WWOX: variants seen among roughly 807,000 people sequenced by gnomAD.
The protein encoded by WWOX is WW domain-containing oxidoreductase.
WWOX carries 69 observed loss-of-function variants against 46.2 expected under a neutral mutation model. That is an observed-to-expected ratio of 1.49 (90% CI 1.23 to 1.82). The LOEUF (loss-of-function observed/expected upper bound fraction) is 1.82. Ranked by LOEUF, WWOX falls within the 40% of genes most tolerant of loss-of-function variation. The pLI is 0.00. For missense variants in WWOX, 919 were observed against 542.6 expected (o/e 1.69, Z -6.89); for synonymous variants, 359 against 202.6 (o/e 1.77, Z -6.56).
chr16:78,924,394 A>C (rs2045451187), intron 8 of WWOX, among the ~76,000 whole-genome samples: 1 of 152,194 alleles, frequency 6.6e-6, no homozygotes, highest in African/African-American at 2.4e-5. Context: ...TTGTCTATCC[A>C]CAAATATTTA....
rs1228519766 is a variant in WWOX, at chr16:78,422,840, C to CAT, written c.606-2026_606-2025dup. 7.5e-4 allele frequency among the ~76,000 whole-genome samples: 58 copies of CAT among 77,238 alleles called. 3 individuals are homozygous for CAT. In the South Asian group the frequency reaches 0.024, roughly 31 times the overall value. The allele number at this position is 77,238 out of a possible 152,430, so 50.7% of individuals were successfully genotyped here. On this transcript the variant is annotated intron_variant, in intron 6 of 8. Coordinates refer to ENST00000566780, the MANE Select transcript of WWOX (RefSeq NM_016373.4). ...ATATACACACACATATATATATATA[C>CAT]ATATACACACACACACACACACACA... is the stretch of plus-strand genomic sequence containing the variant.
At chr16:78,103,370 C>T (rs1372844843) in intron 1 of WWOX, among the ~76,000 whole-genome samples, 11 of 151,828 alleles carry the variant, frequency 7.2e-5, no homozygotes, top group Admixed American at 3.9e-4. Context: ...AACCCATCAC[C>T]TAGTTGTTCA....
At position 78,108,336 on chromosome 16, in the gene WWOX, C is replaced by G. The variant is rs1471537248; in HGVS notation, c.108-87C>G. 3.2e-5 allele frequency: 43 copies of G among 1,363,576 alleles called. No individual in the cohort carries two copies. In the Admixed American group the frequency reaches 8.4e-4, roughly 27 times the overall value. 84.5% of individuals were successfully genotyped at this position (1,363,576 alleles called of 1,614,324 possible). A position where few individuals can be genotyped will look rare whatever the true frequency, so the allele number is the denominator to read the frequency against. On this transcript the variant is annotated intron_variant, in intron 1 of 8. Coordinates refer to ENST00000566780, the MANE Select transcript of WWOX (RefSeq NM_016373.4). ...CTACTTCCTTCTTATATCTGGCTAT[C>G]TGGGAGAGAAAAAATTTAATACAAT...
intron 8 of WWOX, among the ~76,000 whole-genome samples, chr16:79,079,567 A>C (rs894012706): frequency 1.3e-5 from 2 of 152,102 alleles, no homozygotes; most frequent in Non-Finnish European, 2.9e-5. Flanking sequence ...CTGGTGCTTT[A>C]ATTTTTGCCT....
chr16:79,055,418 A>T (rs1281268189), intron 8 of WWOX, among the ~76,000 whole-genome samples: 1 of 152,220 alleles, frequency 6.6e-6, no homozygotes, highest in East Asian at 1.9e-4. Context: ...GTGGCCGTGT[A>T]AAATGCCTGA....
chr16:78,265,665 C>T (rs1410819447), intron 5 of WWOX, among the ~76,000 whole-genome samples: 6 of 138,816 alleles, frequency 4.3e-5, no homozygotes, highest in Non-Finnish European at 6.1e-5. Context: ...GCAACAAGAG[C>T]GAAACTCCAT....
At chr16:78,955,471 A>G (rs2046146352) in intron 8 of WWOX, among the ~76,000 whole-genome samples, 1 of 152,152 alleles carries the variant, frequency 6.6e-6, no homozygotes, top group South Asian at 2.1e-4. Context: ...GGAGCATGTG[A>G]GGGTGGATCA....
chr16:78,489,804 C>G (rs991501040), intron 8 of WWOX, among the ~76,000 whole-genome samples: 3 of 152,074 alleles, frequency 2.0e-5, no homozygotes, highest in African/African-American at 4.8e-5. Flanking sequence ...GACCACAGTT[C>G]CGGCTGGAAC....
In WWOX at chr16:78,899,606, A is replaced by T. The variant is rs374208725; in HGVS notation, c.1057-312002A>T. 3.3e-5 allele frequency: 5 copies of T among 152,320 alleles called. No homozygotes were observed. The East Asian group carries it at 9.6e-4, about 29-fold the overall frequency. The allele number at this position is 152,320 out of a possible 1,614,324, so 9.4% of individuals were successfully genotyped here. Reference sequence around the variant, plus strand: ...CCTGAACAACGGGAACATTGGCCACATCCGCCATTGTCAATTTTAAATAAA... The same window carrying T: ...CCTGAACAACGGGAACATTGGCCACTTCCGCCATTGTCAATTTTAAATAAA... On this transcript the variant is annotated intron_variant, in intron 8 of 8. Transcript: ENST00000566780.
intron 8 of WWOX, among the ~76,000 whole-genome samples, chr16:79,093,557 G>GC (rs1003194514): frequency 1.3e-5 from 2 of 151,938 alleles, no homozygotes; most frequent in Admixed American, 1.3e-4. Context: ...GCCACCACCC[G>GC]CAGCAGGCAG....
intron 8 of WWOX, among the ~76,000 whole-genome samples, chr16:78,894,041 A>ATTATTATTATTG (rs945984342): frequency 8.9e-5 from 13 of 146,816 alleles, no homozygotes; most frequent in Admixed American, 4.1e-4. Flanking sequence ...TATTATTATT[A>ATTATTATTATTG]TTATTATTAT....
intron 8 of WWOX, among the ~76,000 whole-genome samples, chr16:78,648,875 GT>G (rs1175896774): frequency 6.6e-6 from 1 of 152,146 alleles, no homozygotes; most frequent in Non-Finnish European, 1.5e-5. Flanking sequence ...GGTTCCCTTT[GT>G]TTATTTTTAC....
chr16:78,137,443 G>A (rs1485570064), intron 4 of WWOX, among the ~76,000 whole-genome samples: 4 of 152,130 alleles, frequency 2.6e-5, no homozygotes, highest in African/African-American at 9.7e-5. Flanking sequence ...TCGACAAGGT[G>A]GAATGAAAGC....
chr16:78,423,095 C>G (rs932589072), intron 6 of WWOX, among the ~76,000 whole-genome samples: 1 of 151,784 alleles, frequency 6.6e-6, no homozygotes, highest in Admixed American at 6.6e-5. Flanking sequence ...CCATGTTGGT[C>G]AGGCTGGTCT....
chr16:78,239,763 G>A (rs1197494048), intron 5 of WWOX, among the ~76,000 whole-genome samples: 2 of 152,068 alleles, frequency 1.3e-5, no homozygotes, highest in East Asian at 1.9e-4. Context: ...TCGAACTCCT[G>A]ACCTCAGGTG....
intron 8 of WWOX, among the ~76,000 whole-genome samples, chr16:78,615,731 G>A (rs1200910221): frequency 6.6e-6 from 1 of 151,602 alleles, no homozygotes; most frequent in Non-Finnish European, 1.5e-5. Context: ...AAGAAATGCT[G>A]TTTTAGGAAA....
At chr16:78,971,603 A>T (rs1487480566) in intron 8 of WWOX, among the ~76,000 whole-genome samples, 1 of 152,142 alleles carries the variant, frequency 6.6e-6, no homozygotes, top group Non-Finnish European at 1.5e-5. Context: ...GAGCATAAGA[A>T]AAAGGAAGGG....
At chr16:78,144,272 A>G (rs766703098) in intron 4 of WWOX, among the ~76,000 whole-genome samples, 10 of 150,818 alleles carry the variant, frequency 6.6e-5, no homozygotes, top group Non-Finnish European at 1.2e-4. Flanking sequence ...CATTTATTCT[A>G]TTTAGTCTTC....
At chr16:78,591,817 A>G (rs1037416534) in intron 8 of WWOX, among the ~76,000 whole-genome samples, 2 of 152,152 alleles carry the variant, frequency 1.3e-5, no homozygotes, top group South Asian at 2.1e-4. Flanking sequence ...GCTGGTGACA[A>G]AACTCAAAGA....
Sources: gnomAD v4.1 joint callset for allele counts (sites outside exome capture counted in the v4.1 genomes callset) on GRCh38, gnomAD v4.1.1 for gene constraint, MANE v1.5 for transcripts, NCBI Gene and HGNC (gene_info 2026-07-23, HGNC 2026-07-21) for gene names.